Variants in RALGAPB observed in about 807,000 individuals in gnomAD.
The protein encoded by RALGAPB is ral GTPase-activating protein subunit beta.
Under a neutral mutation model 161.1 loss-of-function variants are expected in RALGAPB, and 25 were observed. The ratio of observed to expected loss-of-function variants is 0.16; its 90% confidence interval spans 0.11 to 0.22. RALGAPB has a LOEUF of 0.22. Among genes scored for constraint, RALGAPB ranks in the 10% least tolerant of loss-of-function variants. The pLI is 1.00. For synonymous variants in RALGAPB, 629 were observed against 626.1 expected, an observed-to-expected ratio of 1.00 and a Z score of -0.07; for missense variants, 1,391 against 1,815.2, an observed-to-expected ratio of 0.77 and a Z score of 4.25.
chr20:38,506,092 G>A (rs1274687337), intron 5 of RALGAPB, among the ~76,000 whole-genome samples: 2 of 152,120 alleles, frequency 1.3e-5, no homozygotes, highest in African/African-American at 4.8e-5. Flanking sequence ...TGCAAATGAA[G>A]GGATGTGTAT....
chr20:38,565,728 T>C (rs2079649378), intron 25 of RALGAPB, among the ~76,000 whole-genome samples: 1 of 152,228 alleles, frequency 6.6e-6, no homozygotes, highest in Admixed American at 6.5e-5. Context: ...GATATTTTGC[T>C]TTCTTTAATC....
intron 2 of RALGAPB, 66 bp from the exon 3 acceptor site, chr20:38,492,864 A>G (rs1600847825): frequency 2.3e-6 from 3 of 1,326,644 alleles, no homozygotes; most frequent in East Asian, 4.6e-5. Context: ...AGAGATTGAC[A>G]TTTTAAATCA....
rs754259739 is a variant in RALGAPB, at chr20:38,562,706, C to G, written c.3697+9C>G. On this transcript the variant is annotated intron_variant, in intron 24 of 29. Transcript: ENST00000262879. ...TGAAGGATCTCAACAAGGTAAAACT[C>G]ACAGTGTTTCAAATGTCAGTTGTTT... 3 of 1,580,046 alleles carry G rather than the reference C, an allele frequency of 1.9e-6. No individual in the cohort carries two copies. In the Admixed American group the frequency reaches 5.7e-5, roughly 30 times the overall value.
intron 28 of RALGAPB, 152 bp from the exon 29 acceptor site, chr20:38,573,998 C>T: frequency 1.6e-6 from 1 of 615,246 alleles, no homozygotes; most frequent in Non-Finnish European, 2.6e-6. Flanking sequence ...AAAGCAGATT[C>T]TGAGCACACT....
rs917320788 is a variant in RALGAPB at position 38,575,548 on chromosome 20, A to T, written c.*581A>T. The T allele has an allele frequency of 2.6e-5, 4 of 153,902 alleles. No individual in the cohort carries two copies. The highest frequency in any genetic ancestry group is 9.7e-5 in the African/African-American group (4 of 41,434). 9.5% of individuals were successfully genotyped at this position (153,902 alleles called of 1,614,324 possible). On this transcript the variant is annotated 3_prime_UTR_variant, in exon 30 of 30. Coordinates refer to ENST00000262879, the MANE Select transcript of RALGAPB (RefSeq NM_020336.4). ...CAGATAAGAAGCCTGACATTAAAAG[A>T]TGTCATATTTTTTTCTCCACATTTC...
chr20:38,498,023 C>T (rs534035116), intron 4 of RALGAPB, among the ~76,000 whole-genome samples: 6 of 146,770 alleles, frequency 4.1e-5, no homozygotes, highest in Admixed American at 7.0e-5. Context: ...GAGCCAAGAT[C>T]GTGCCACTGC....
intron 1 of RALGAPB, among the ~76,000 whole-genome samples, chr20:38,484,331 T>C (rs1197633916): frequency 6.6e-6 from 1 of 152,180 alleles, no homozygotes; most frequent in Non-Finnish European, 1.5e-5. Flanking sequence ...ACCTCCATAG[T>C]TGGGTTATAA....
At chr20:38,565,299 A>G in intron 24 of RALGAPB, 60 bp from the exon 25 acceptor site, 1 of 1,578,916 alleles carries the variant, frequency 6.3e-7, no homozygotes, top group South Asian at 1.1e-5. Context: ...ATGTAGCAAG[A>G]TGATACTGGT....
Position 38,509,003 on chromosome 20 carries a change from GTCT to G in RALGAPB, c.741-69_741-67del. The G allele has an allele frequency of 3.3e-6, 5 of 1,503,130 alleles. No individual in the cohort carries two copies. In the South Asian group the frequency reaches 4.8e-5, roughly 14 times the overall value. 93.1% of individuals were successfully genotyped at this position (1,503,130 alleles called of 1,614,324 possible). ...TACACATGTTTCATCCATTTTCTCT[GTCT>G]TCTTTCTATGCTTGAGTGTATTTTT... On this transcript the variant is annotated intron_variant, in intron 5 of 29. Transcript: ENST00000262879.
chr20:38,520,524 C>CTTTTTTTTTTT (rs775371608), intron 9 of RALGAPB, among the ~76,000 whole-genome samples: 2 of 70,292 alleles, frequency 2.8e-5, no homozygotes, highest in African/African-American at 1.2e-4. Context: ...TGTGTTTTGG[C>CTTTTTTTTTTT]TTTTTTTTTT....
At chr20:38,532,043 T>TTTTTG (rs1054791624) in intron 14 of RALGAPB, among the ~76,000 whole-genome samples, 1 of 152,074 alleles carries the variant, frequency 6.6e-6, no homozygotes, top group African/African-American at 2.4e-5. Context: ...GCCTTTTTGT[T>TTTTTG]TTTTGTTTTG....
chr20:38,543,985 G>A (rs939337881), intron 18 of RALGAPB, among the ~76,000 whole-genome samples: 6 of 152,176 alleles, frequency 3.9e-5, no homozygotes, highest in Admixed American at 2.6e-4. Flanking sequence ...TGCTGAACAC[G>A]TAGTAGAAAA....
At position 38,517,601 on chromosome 20, in the gene RALGAPB, A is replaced by C. The variant is rs781290740; in HGVS notation, c.1147A>C (p.Asn383His). ...TGCTGTCAGTACCACCCCCCCACAT[A>C]ACCGGAGGCACCGGGCTGTTACTGT... ...SAAVSTTPPH[N>H]RRHRAVTVNK... is the part of the protein sequence containing the mutation. Residue 383 changes from asparagine to histidine, a missense_variant, in exon 8 of 30, where the codon AAC becomes CAC. Transcript: ENST00000262879. 1 of 1,613,958 alleles carries C rather than the reference A, an allele frequency of 6.2e-7. No homozygotes were observed. Among genetic ancestry groups the C allele is most frequent in the Non-Finnish European group, 8.5e-7 (1 of 1,179,948 alleles).
At chr20:38,564,836 T>TCTCTCTCTTCTTCTCTCTCTC (rs2087926878) in intron 24 of RALGAPB, among the ~76,000 whole-genome samples, 1 of 151,786 alleles carries the variant, frequency 6.6e-6, no homozygotes, top group Non-Finnish European at 1.5e-5. Context: ...CTCTCTCTCT[T>TCTCTCTCTTCTTCTCTCTCTC]CTCTCTCTTC....
intron 3 of RALGAPB, among the ~76,000 whole-genome samples, chr20:38,493,926 C>T (rs770856165): frequency 5.9e-5 from 9 of 152,210 alleles, no homozygotes; most frequent in Non-Finnish European, 1.0e-4. Context: ...TAGTCAGACT[C>T]GTAAGTCAGA....
chr20:38,500,300 G>C (rs560560104), intron 5 of RALGAPB, among the ~76,000 whole-genome samples: 1 of 151,606 alleles, frequency 6.6e-6, no homozygotes, highest in South Asian at 2.1e-4. Context: ...GAGTCTGTCG[G>C]GTGCCATTTT....
chr20:38,474,376 G>T (rs1272219271), intron 1 of RALGAPB, among the ~76,000 whole-genome samples: 1 of 151,906 alleles, frequency 6.6e-6, no homozygotes, highest in Non-Finnish European at 1.5e-5. Flanking sequence ...TGCAACTTCC[G>T]CCTCCTGAGC....
intron 1 of RALGAPB, among the ~76,000 whole-genome samples, chr20:38,481,139 G>A (rs2084955635): frequency 6.6e-6 from 1 of 152,080 alleles, no homozygotes; most frequent in African/African-American, 2.4e-5. Context: ...TGTATCTGTA[G>A]TCTTTCCTGA....
At chr20:38,570,269 G>A (rs1030632570) in intron 27 of RALGAPB, among the ~76,000 whole-genome samples, 14 of 152,198 alleles carry the variant, frequency 9.2e-5, no homozygotes, top group Admixed American at 8.5e-4. Flanking sequence ...ATCACAGTCA[G>A]TGGTTTGTTG....
Sources: allele counts gnomAD v4.1 joint callset (sites outside exome capture counted in the v4.1 genomes callset), GRCh38; gene constraint gnomAD v4.1.1; transcripts MANE v1.5; gene names NCBI Gene and HGNC (gene_info 2026-07-23, HGNC 2026-07-21).